ANKFN1: variants seen among roughly 807,000 people sequenced by gnomAD.
ANKFN1 encodes ankyrin repeat and fibronectin type-III domain-containing protein 1.
ANKFN1 carries 74 observed loss-of-function variants against 108.7 expected under a neutral mutation model. That is an observed-to-expected ratio of 0.68 (90% CI 0.56 to 0.83). The LOEUF is 0.83. Among genes scored for constraint, ANKFN1 ranks in the 40% least tolerant of loss-of-function variants. The pLI is 0.00. For missense variants in ANKFN1, 1,505 were observed against 1,382.3 expected, an observed-to-expected ratio of 1.09 and a Z score of -1.41; for synonymous variants, 547 against 516.2, an observed-to-expected ratio of 1.06 and a Z score of -0.81.
chr17:56,311,633 G>T (rs998632029), intron 3 of ANKFN1, among the ~76,000 whole-genome samples: 2 of 152,196 alleles, frequency 1.3e-5, no homozygotes, highest in Non-Finnish European at 2.9e-5. Context: ...GATTGTCTAC[G>T]TGGGTGGCTG....
chr17:56,316,486 G>T (rs1327137731), intron 3 of ANKFN1, among the ~76,000 whole-genome samples: 1 of 152,058 alleles, frequency 6.6e-6, no homozygotes, highest in East Asian at 1.9e-4. Flanking sequence ...TGAAATAAAT[G>T]GAGAAAAGGA....
intron 4 of ANKFN1, among the ~76,000 whole-genome samples, chr17:56,097,008 A>C (rs145713524): frequency 2.5e-4 from 38 of 152,330 alleles, no homozygotes; most frequent in Non-Finnish European, 3.8e-4. Context: ...GAATTAAGAG[A>C]GGAGCAGAAA....
At chr17:56,275,418 C>T (rs1451865269) in intron 3 of ANKFN1, among the ~76,000 whole-genome samples, 1 of 151,660 alleles carries the variant, frequency 6.6e-6, no homozygotes, top group Non-Finnish European at 1.5e-5. Context: ...TATGTAAGAA[C>T]CACTACCATA....
chr17:56,153,962 C>G (rs189949832), intron 1 of ANKFN1, among the ~76,000 whole-genome samples: 2 of 152,322 alleles, frequency 1.3e-5, no homozygotes, highest in African/African-American at 4.8e-5. Flanking sequence ...CCTTCTCTCT[C>G]TCTCACTTTT....
chr17:56,080,868 A>G (rs922848398), intron 4 of ANKFN1, among the ~76,000 whole-genome samples: 1 of 152,206 alleles, frequency 6.6e-6, no homozygotes, highest in Non-Finnish European at 1.5e-5. Flanking sequence ...TTTAAATAAC[A>G]AGGCACACAT....
At chr17:56,104,072 G>A (rs1003048146) in intron 4 of ANKFN1, among the ~76,000 whole-genome samples, 4 of 152,196 alleles carry the variant, frequency 2.6e-5, no homozygotes, top group Non-Finnish European at 4.4e-5. Flanking sequence ...TCTGGTTCTG[G>A]TTCTGAGGAT....
At chr17:56,059,204 CAT>C (rs1904930888) in intron 4 of ANKFN1, among the ~76,000 whole-genome samples, 1 of 152,118 alleles carries the variant, frequency 6.6e-6, no homozygotes, top group South Asian at 2.1e-4. Flanking sequence ...AGCTTTTTTT[CAT>C]ATGTTTTTTG....
chr17:56,105,697 G>T (rs1006024065), intron 4 of ANKFN1, among the ~76,000 whole-genome samples: 32 of 131,760 alleles, frequency 2.4e-4, no homozygotes, highest in South Asian at 2.4e-4. Context: ...TTGGAGTTTT[G>T]GGGGTTTTTT....
chr17:56,081,262 C>G (rs1453760184), intron 4 of ANKFN1, among the ~76,000 whole-genome samples: 1 of 152,226 alleles, frequency 6.6e-6, no homozygotes, highest in African/African-American at 2.4e-5. Flanking sequence ...GGAAAGTACA[C>G]TTGGAAGAGG....
At chr17:56,250,313 C>A (rs921205949) in intron 3 of ANKFN1, among the ~76,000 whole-genome samples, 2 of 152,172 alleles carry the variant, frequency 1.3e-5, no homozygotes, top group Non-Finnish European at 2.9e-5. Flanking sequence ...ATGAGCACTA[C>A]AATCCACTGC....
At position 56,511,017 on chromosome 17, in the gene ANKFN1, C is replaced by T; in HGVS notation, c.3189C>T (p.Gly1063=). ...RAGPALDDPR[G]LTLAHAASLP... Reference sequence around the variant, plus strand: ...GCCCTGCCCTTGATGATCCCAGGGGCCTAACTCTGGCCCACGCTGCCAGCC... The same window carrying T: ...GCCCTGCCCTTGATGATCCCAGGGGTCTAACTCTGGCCCACGCTGCCAGCC... The change falls in exon 21 of 21, where the codon GGC becomes GGT. Residue 1063 remains glycine (G), a synonymous_variant. Coordinates refer to ENST00000682825, the MANE Select transcript of ANKFN1 (RefSeq NM_001370326.1). The T allele has an allele frequency of 6.5e-7, 1 of 1,536,020 alleles. No individual in the cohort carries two copies. Among genetic ancestry groups the T allele is most frequent in the Admixed American group, 2.0e-5 (1 of 51,010 alleles).
At chr17:56,268,698 GTT>G (rs879724129) in intron 3 of ANKFN1, among the ~76,000 whole-genome samples, 28 of 147,936 alleles carry the variant, frequency 1.9e-4, no homozygotes, top group Admixed American at 2.7e-4. Context: ...ACTAATAAAA[GTT>G]TTTTTTTTTC....
At chr17:56,310,815 C>T (rs2045000175) in intron 3 of ANKFN1, among the ~76,000 whole-genome samples, 1 of 147,602 alleles carries the variant, frequency 6.8e-6, no homozygotes, top group Non-Finnish European at 1.5e-5. Context: ...TTCAAGTGTA[C>T]AATTCAGTAT....
chr17:56,270,248 G>T (rs960037019), intron 3 of ANKFN1, among the ~76,000 whole-genome samples: 3 of 152,142 alleles, frequency 2.0e-5, no homozygotes, highest in Non-Finnish European at 4.4e-5. Flanking sequence ...TAGTCACGGG[G>T]CTTCACAAAG....
At chr17:56,498,047 A>T (rs1167536054) in intron 19 of ANKFN1, among the ~76,000 whole-genome samples, 3 of 152,136 alleles carry the variant, frequency 2.0e-5, no homozygotes, top group Non-Finnish European at 4.4e-5. Flanking sequence ...CTTCAAGGAA[A>T]CTACTATTGT....
At chr17:56,119,652 A>G (rs890082873) in intron 4 of ANKFN1, among the ~76,000 whole-genome samples, 4 of 152,162 alleles carry the variant, frequency 2.6e-5, no homozygotes, top group African/African-American at 9.7e-5. Flanking sequence ...GTGAAGTATG[A>G]AAGTAATGAT....
chr17:56,132,828 C>G (rs1178764970), intron 4 of ANKFN1, among the ~76,000 whole-genome samples: 1 of 152,038 alleles, frequency 6.6e-6, no homozygotes, highest in Non-Finnish European at 1.5e-5. Context: ...GGCACTAATC[C>G]TATGCATGAG....
intron 6 of ANKFN1, among the ~76,000 whole-genome samples, chr17:56,354,662 A>G (rs954285296): frequency 2.1e-4 from 32 of 152,224 alleles, no homozygotes; most frequent in African/African-American, 7.7e-4. Context: ...AATAGGGTTG[A>G]TACCCATTGA....
At chr17:56,356,798 G>A (rs538771869) in intron 6 of ANKFN1, among the ~76,000 whole-genome samples, 18 of 152,126 alleles carry the variant, frequency 1.2e-4, no homozygotes, top group Non-Finnish European at 2.5e-4. Flanking sequence ...CATGGAGAAT[G>A]CAGACTGAGC....
Sources: gnomAD v4.1 joint callset for allele counts (sites outside exome capture counted in the v4.1 genomes callset) on GRCh38, gnomAD v4.1.1 for gene constraint, MANE v1.5 for transcripts, NCBI Gene and HGNC (gene_info 2026-07-23, HGNC 2026-07-21) for gene names.